PRMT7: variants seen among roughly 807,000 people sequenced by gnomAD.
The protein encoded by PRMT7 is protein arginine methyltransferase 7, also known as protein arginine N-methyltransferase 7.
Under a neutral mutation model 85.4 loss-of-function variants are expected in PRMT7, and 75 were observed. That is an observed-to-expected ratio of 0.88 (90% confidence interval 0.73 to 1.06). The LOEUF (loss-of-function observed/expected upper bound fraction) is 1.06. PRMT7 is among the 50% of genes least tolerant of loss of function. The probability of loss-of-function intolerance (pLI) is 0.00; values close to 1 mark genes in which losing one functional copy is unlikely to be tolerated. For synonymous variants in PRMT7, 397 were observed against 359.5 expected, an observed-to-expected ratio of 1.10 and a Z score of -1.18; for missense variants, 868 against 915.2, an observed-to-expected ratio of 0.95 and a Z score of 0.67.
At position 68,339,951 on chromosome 16, in the gene PRMT7, G is replaced by T; in HGVS notation, c.910G>T (p.Asp304Tyr). The T allele has an allele frequency of 6.2e-7, 1 of 1,610,242 alleles. No individual in the cohort carries two copies. The highest frequency in any genetic ancestry group is 1.1e-5 in the South Asian group (1 of 90,386). ...CTMAPFWAHS[D>Y]PEEMQWRDHW... ...CATGGCCCCCTTCTGGGCACACTCAGACCCAGAGGAGATGCAGGTAAGAGG... is the reference window on the plus strand; with the variant it reads ...CATGGCCCCCTTCTGGGCACACTCATACCCAGAGGAGATGCAGGTAAGAGG... Residue 304 changes from aspartate (D) to tyrosine (Y), a missense_variant, in exon 9 of 19, where the codon GAC becomes TAC. Physicochemically the swap from Asp to Tyr is radical, Grantham distance 160. Transcript: ENST00000441236.
intron 14 of PRMT7, 148 bp from the exon 15 acceptor site, chr16:68,352,100 A>C: frequency 9.4e-6 from 7 of 744,226 alleles, no homozygotes; most frequent in Admixed American, 2.7e-5. Flanking sequence ...GAGGGAGGGA[A>C]TGAGTGAGTG....
In PRMT7 at chr16:68,352,389, G is replaced by A. The variant is rs537782188; in HGVS notation, c.1555G>A (p.Ala519Thr). 3.4e-5 allele frequency: 54 copies of A among 1,606,030 alleles called. No homozygotes were observed. The South Asian group carries it at 4.6e-4, about 14-fold the overall frequency. ...MVMPQAASLH[A>T]VVVEFRDLWR... ...GATGCCCCAGGCAGCCTCGCTGCAC[G>A]CTGTGGTTGTGGAGTTCAGGGTAGG... Residue 519 changes from alanine to threonine, a missense_variant, in exon 15 of 19, where the codon GCT (alanine) becomes ACT (threonine). By Grantham distance (58) the Ala-to-Thr change is moderately conservative. Transcript: ENST00000441236.
intron 5 of PRMT7, among the ~76,000 whole-genome samples, chr16:68,325,442 C>T (rs2151493182): frequency 6.6e-6 from 1 of 152,036 alleles, no homozygotes; most frequent in African/African-American, 2.4e-5. Context: ...AAATACATGC[C>T]CCCACACCAC....
At chr16:68,331,131 A>AC (rs2083832211) in intron 6 of PRMT7, among the ~76,000 whole-genome samples, 1 of 152,134 alleles carries the variant, frequency 6.6e-6, no homozygotes, top group African/African-American at 2.4e-5. Context: ...GGTCCTAGGC[A>AC]CCCACTCATA....
At chr16:68,315,360 G>A (rs577125518) in intron 2 of PRMT7, 15 of 153,802 alleles carry the variant, frequency 9.8e-5, no homozygotes, top group African/African-American at 3.6e-4. Context: ...TATTGCATGT[G>A]TTGTGTGATT....
chr16:68,331,937 C>T (rs2083970005), intron 6 of PRMT7, among the ~76,000 whole-genome samples: 1 of 151,950 alleles, frequency 6.6e-6, no homozygotes, highest in African/African-American at 2.4e-5. Flanking sequence ...TGGGTTTGTT[C>T]TCTTGACTCA....
chr16:68,353,439 G>C, intron 15 of PRMT7, 53 bp from the exon 16 acceptor site: 1 of 1,606,630 alleles, frequency 6.2e-7, no homozygotes, highest in Non-Finnish European at 8.5e-7. Flanking sequence ...TTGCTGCCAC[G>C]CTTCCCTGTG....
chr16:68,338,410 T>G (rs1399434251), intron 7 of PRMT7, among the ~76,000 whole-genome samples: 2 of 151,842 alleles, frequency 1.3e-5, no homozygotes, highest in Non-Finnish European at 2.9e-5. Context: ...AGGGCGATTC[T>G]TCTGGTTTAC....
intron 6 of PRMT7, among the ~76,000 whole-genome samples, chr16:68,333,141 C>T (rs573481984): frequency 2.0e-5 from 3 of 152,120 alleles, no homozygotes; most frequent in Admixed American, 6.5e-5. Flanking sequence ...CACAGGCAGG[C>T]GCCACCATAC....
intron 4 of PRMT7, 164 bp downstream of exon 4, chr16:68,321,626 A>C: frequency 1.7e-6 from 1 of 598,932 alleles, no homozygotes. Flanking sequence ...TTCTGGCTCT[A>C]TTTTTGTTGT....
chr16:68,350,743 G>T (rs566542561), intron 14 of PRMT7, among the ~76,000 whole-genome samples: 12 of 152,300 alleles, frequency 7.9e-5, no homozygotes, highest in African/African-American at 2.9e-4. Context: ...CAGTCCCCCA[G>T]CCCTGGGCAC....
intron 9 of PRMT7, among the ~76,000 whole-genome samples, chr16:68,343,307 C>T (rs377134156): frequency 1.3e-5 from 2 of 152,268 alleles, no homozygotes; most frequent in East Asian, 1.9e-4. Context: ...GTAACCACAA[C>T]CATAGCCAAC....
At chr16:68,348,002 C>T (rs1374955878) in intron 13 of PRMT7, among the ~76,000 whole-genome samples, 1 of 152,184 alleles carries the variant, frequency 6.6e-6, no homozygotes, top group Non-Finnish European at 1.5e-5. Context: ...GTGCTCACAG[C>T]CTGATGGGAG....
At position 68,324,892 on chromosome 16, in the gene PRMT7, T is replaced by C. The variant is rs138403209; in HGVS notation, c.282+60T>C. ...TTGCATGGGAAATCCCCTATGCTCTTGCACTTTCCCCGTCTGTTCCTTCAC... is the reference window on the plus strand; with the variant it reads ...TTGCATGGGAAATCCCCTATGCTCTCGCACTTTCCCCGTCTGTTCCTTCAC... On this transcript the variant is annotated intron_variant, in intron 5 of 18. Transcript: ENST00000441236. 7.3e-5 allele frequency: 116 copies of C among 1,594,000 alleles called. 1 individual carries two copies. The East Asian group carries it at 2.5e-3, about 35-fold the overall frequency.
chr16:68,344,011 C>T (rs2151796944), intron 9 of PRMT7, among the ~76,000 whole-genome samples: 1 of 152,308 alleles, frequency 6.6e-6, no homozygotes, highest in African/African-American at 2.4e-5. Flanking sequence ...CTTTATTGCT[C>T]AGGTTGGATT....
At chr16:68,320,917 G>A (rs985553196) in intron 3 of PRMT7, among the ~76,000 whole-genome samples, 3 of 152,086 alleles carry the variant, frequency 2.0e-5, no homozygotes, top group Non-Finnish European at 2.9e-5. Flanking sequence ...GATTGAGGCT[G>A]TTCATAGCCA....
chr16:68,345,545 C>A, intron 9 of PRMT7, 130 bp from the exon 10 acceptor site: 1 of 1,354,166 alleles, frequency 7.4e-7, no homozygotes, highest in Non-Finnish European at 1.0e-6. Context: ...ATCTCCTTGG[C>A]CACAATAGCC....
intron 4 of PRMT7, chr16:68,324,388 C>A (rs2082856915): frequency 2.5e-6 from 1 of 398,130 alleles, no homozygotes; most frequent in African/African-American, 2.1e-5. Flanking sequence ...CCTCTTGGTC[C>A]CCCTTTTGGC....
intron 11 of PRMT7, among the ~76,000 whole-genome samples, chr16:68,346,545 A>G (rs1407345747): frequency 6.8e-6 from 1 of 147,520 alleles, no homozygotes; most frequent in East Asian, 2.0e-4. Context: ...AGACACAGTC[A>G]TTGCTGTGGG....
Sources: allele counts gnomAD v4.1 joint callset (sites outside exome capture counted in the v4.1 genomes callset), GRCh38; gene constraint gnomAD v4.1.1; transcripts MANE v1.5; gene names NCBI Gene and HGNC (gene_info 2026-07-23, HGNC 2026-07-21).